Variants in ADAMTSL3 observed in about 807,000 individuals in gnomAD.
ADAMTSL3 encodes the protein ADAMTS like 3.
In ADAMTSL3, 128 loss-of-function variants were observed where a neutral mutation model predicts 201.7. The ratio of observed to expected loss-of-function variants is 0.63; its 90% CI spans 0.55 to 0.73. The LOEUF (loss-of-function observed/expected upper bound fraction) is 0.73, where lower values mean the gene tolerates loss of function less well. Ranked by LOEUF, ADAMTSL3 falls within the 30% of genes least tolerant of loss-of-function variation. The pLI, the probability that ADAMTSL3 is intolerant of heterozygous loss-of-function variation, is 0.00. For missense variants in ADAMTSL3, 1,990 were observed against 2,119.6 expected, an observed-to-expected ratio of 0.94 and a Z score of 1.20; for synonymous variants, 738 against 748.4, an observed-to-expected ratio of 0.99 and a Z score of 0.23.
intron 3 of ADAMTSL3, among the ~76,000 whole-genome samples, chr15:83,766,755 G>C (rs2062898443): frequency 6.6e-6 from 1 of 152,210 alleles, no homozygotes; most frequent in Non-Finnish European, 1.5e-5. Context: ...ACTTTTATTG[G>C]ATGTTTTATT....
intron 3 of ADAMTSL3, among the ~76,000 whole-genome samples, chr15:83,758,701 T>C (rs1479991613): frequency 6.6e-6 from 1 of 152,244 alleles, no homozygotes; most frequent in Admixed American, 6.5e-5. Flanking sequence ...CATTTATATA[T>C]CTTCTTTGGA....
chr15:83,704,579 G>T (rs1390245281), intron 3 of ADAMTSL3, 71 bp downstream of exon 3: 2 of 1,570,064 alleles, frequency 1.3e-6, no homozygotes, highest in Non-Finnish European at 1.7e-6. Flanking sequence ...GTCTCTAAAA[G>T]ACCTTCAAAG....
At position 84,021,593 on chromosome 15, in the gene ADAMTSL3, G is replaced by T; in HGVS notation, c.4457G>T (p.Arg1486Met). ...TGTAACATCCGGGACTGCCCAGCGA[G>T]GTAAGTGAAGTCACTCTTTGTATCT... The part of the protein sequence containing the change: ...EPCNIRDCPA[R>M]WFTSVWSQCS... The change falls in exon 26 of 30, where the codon AGG becomes ATG. Residue 1486 changes from arginine to methionine, a missense_variant and splice_region_variant. Physicochemically the swap from Arg to Met is moderately conservative, Grantham distance 91. Transcript: ENST00000286744. 6.2e-7 allele frequency: 1 copy of T among 1,613,036 alleles called. No homozygotes were observed.
chr15:84,024,164 G>T (rs1596549301), intron 26 of ADAMTSL3, among the ~76,000 whole-genome samples: 1 of 152,172 alleles, frequency 6.6e-6, no homozygotes, highest in Non-Finnish European at 1.5e-5. Context: ...GCTGAGGCAG[G>T]AGAATGGCGT....
chr15:83,776,730 T>C (rs1459511645), intron 4 of ADAMTSL3, among the ~76,000 whole-genome samples: 1 of 151,566 alleles, frequency 6.6e-6, no homozygotes, highest in Non-Finnish European at 1.5e-5. Context: ...AAAAAAAAAA[T>C]TGTGTTAAGA....
chr15:83,819,684 G>A (rs2063827389), intron 5 of ADAMTSL3, 127 bp from the exon 6 acceptor site: 3 of 659,804 alleles, frequency 4.5e-6, no homozygotes, highest in South Asian at 3.9e-5. Flanking sequence ...AAAAAAGAGG[G>A]AATTAGGTGA....
At chr15:83,747,380 G>C (rs890262283) in intron 3 of ADAMTSL3, among the ~76,000 whole-genome samples, 1 of 152,168 alleles carries the variant, frequency 6.6e-6, no homozygotes, top group Non-Finnish European at 1.5e-5. Flanking sequence ...CAGTAGTAGT[G>C]TCCCCACTTT....
At chr15:83,679,276 A>T (rs1417523968) in intron 2 of ADAMTSL3, among the ~76,000 whole-genome samples, 2 of 152,176 alleles carry the variant, frequency 1.3e-5, no homozygotes, top group African/African-American at 4.8e-5. Flanking sequence ...AACATTTTTA[A>T]GATGGCTGCT....
intron 28 of ADAMTSL3, 49 bp downstream of exon 28, chr15:84,031,481 G>GGACA: frequency 6.6e-7 from 1 of 1,524,110 alleles, no homozygotes; most frequent in Non-Finnish European, 9.1e-7. Context: ...GACTCACTCA[G>GGACA]GACAATGATT....
intron 17 of ADAMTSL3, among the ~76,000 whole-genome samples, chr15:83,938,411 A>C (rs1435445552): frequency 6.6e-6 from 1 of 152,214 alleles, no homozygotes; most frequent in Non-Finnish European, 1.5e-5. Flanking sequence ...CACCATGGTC[A>C]GGTGTTTAGT....
chr15:83,930,941 G>C (rs188021467), intron 17 of ADAMTSL3, among the ~76,000 whole-genome samples: 76 of 152,344 alleles, frequency 5.0e-4, no homozygotes, highest in Non-Finnish European at 9.1e-4. Context: ...TTACCACTGA[G>C]ATTGGGTTGA....
chr15:83,723,203 C>T (rs2062125343), intron 3 of ADAMTSL3, among the ~76,000 whole-genome samples: 1 of 152,124 alleles, frequency 6.6e-6, no homozygotes, highest in Non-Finnish European at 1.5e-5. Flanking sequence ...AAAGATTCAA[C>T]TTTATTTCTA....
chr15:83,959,195 G>A (rs1352838157), intron 19 of ADAMTSL3, among the ~76,000 whole-genome samples: 3 of 152,202 alleles, frequency 2.0e-5, no homozygotes, highest in African/African-American at 7.2e-5. Context: ...GGAGGCCAAG[G>A]TGGGTGGATC....
chr15:83,884,364 A>G (rs1283352180), intron 9 of ADAMTSL3, among the ~76,000 whole-genome samples: 1 of 112,248 alleles, frequency 8.9e-6, no homozygotes, highest in Non-Finnish European at 1.7e-5. Context: ...TTTTTTTGAG[A>G]CAGTGGTTCA....
chr15:84,021,285 G>A, intron 25 of ADAMTSL3, 125 bp from the exon 26 acceptor site: 3 of 957,198 alleles, frequency 3.1e-6, no homozygotes, highest in South Asian at 3.1e-5. Flanking sequence ...CTATGAGATG[G>A]CTTTCTCTCC....
intron 2 of ADAMTSL3, among the ~76,000 whole-genome samples, chr15:83,666,498 A>G (rs765698608): frequency 1.3e-5 from 2 of 152,124 alleles, no homozygotes; most frequent in African/African-American, 2.4e-5. Context: ...ACTTTGGGCC[A>G]TTTGTATTAC....
intron 2 of ADAMTSL3, among the ~76,000 whole-genome samples, chr15:83,703,005 C>T (rs1483781315): frequency 1.3e-5 from 2 of 152,074 alleles, no homozygotes; most frequent in African/African-American, 4.8e-5. Flanking sequence ...GTGGAGTTGC[C>T]CAAGACCATG....
intron 1 of ADAMTSL3, 29 bp from the exon 2 acceptor site, chr15:83,655,700 T>A: frequency 6.5e-7 from 1 of 1,540,648 alleles, no homozygotes; most frequent in Non-Finnish European, 9.0e-7. Context: ...CCAGAGCTGG[T>A]TGGTAATGAA....
chr15:83,996,504 G>A (rs191191542), intron 23 of ADAMTSL3, among the ~76,000 whole-genome samples: 59 of 152,112 alleles, frequency 3.9e-4, no homozygotes, highest in African/African-American at 1.1e-3. Flanking sequence ...TGAGCAGTCC[G>A]GGCGCGGTGG....
Sources: allele counts gnomAD v4.1 joint callset (sites outside exome capture counted in the v4.1 genomes callset), GRCh38; gene constraint gnomAD v4.1.1; transcripts MANE v1.5; gene names NCBI Gene and HGNC (gene_info 2026-07-23, HGNC 2026-07-21).